The following PTPRD variants were observed in gnomAD, a reference collection of about 807,000 sequenced individuals.
PTPRD encodes the protein receptor-type tyrosine-protein phosphatase delta.
A neutral mutation model predicts 214.5 loss-of-function variants in PTPRD; 34 were observed. The ratio of observed to expected loss-of-function variants is 0.16; its 90% confidence interval spans 0.12 to 0.21. The LOEUF (loss-of-function observed/expected upper bound fraction) is 0.21. PTPRD is among the 10% of genes least tolerant of loss of function. The pLI is 1.00. For missense variants in PTPRD, 2,545 were observed against 2,398.7 expected, an observed-to-expected ratio of 1.06 and a Z score of -1.27; for synonymous variants, 1,128 against 845.7, an observed-to-expected ratio of 1.33 and a Z score of -5.79.
intron 3 of PTPRD, among the ~76,000 whole-genome samples, chr9:10,280,867 G>C (rs1190764384): frequency 1.3e-5 from 2 of 151,900 alleles, no homozygotes; most frequent in Non-Finnish European, 2.9e-5. Flanking sequence ...CTCTCTCCTA[G>C]GCCTCCCAAG....
intron 8 of PTPRD, among the ~76,000 whole-genome samples, chr9:9,523,434 G>C (rs1044530568): frequency 6.6e-6 from 1 of 152,030 alleles, no homozygotes. Flanking sequence ...AATTTGCTGA[G>C]GGCATTTTAG....
chr9:8,524,966 G>T lies in PTPRD; in HGVS notation c.638C>A (p.Ala213Glu), dbSNP rs764474694. The T allele has an allele frequency of 6.2e-7, 1 of 1,613,594 alleles. No individual in the cohort carries two copies. Among genetic ancestry groups the T allele is most frequent in the Admixed American group, 1.7e-5 (1 of 59,978 alleles). Residue 213 changes from alanine (A) to glutamate (E), a missense_variant, in exon 18 of 46, where the codon GCG becomes GAG. Ala to Glu is a moderately radical substitution (Grantham distance 107, BLOSUM62 -1). Coordinates refer to ENST00000381196, the MANE Select transcript of PTPRD (RefSeq NM_002839.4). ...GKYECVATNS[A>E]GTRYSAPANL... is the part of the protein sequence containing the mutation. ...GGCAGGAGCGGAATAGCGAGTGCCC[G>T]CGCTGTTGGTGGCAACACACTCATA...
At chr9:10,213,756 A>G (rs2099527817) in intron 3 of PTPRD, among the ~76,000 whole-genome samples, 2 of 152,158 alleles carry the variant, frequency 1.3e-5, no homozygotes, top group Non-Finnish European at 2.9e-5. Flanking sequence ...CAAAACAAAT[A>G]ACACTTTTGT....
intron 2 of PTPRD, among the ~76,000 whole-genome samples, chr9:10,375,926 G>C (rs1227477741): frequency 6.6e-6 from 1 of 151,906 alleles, no homozygotes; most frequent in Non-Finnish European, 1.5e-5. Context: ...TTTCAAATCT[G>C]TTGCATATTA....
chr9:8,458,108 G>A (rs974153615), intron 33 of PTPRD, among the ~76,000 whole-genome samples: 22 of 152,110 alleles, frequency 1.4e-4, no homozygotes, highest in African/African-American at 5.1e-4. Context: ...ATTCGAGGAT[G>A]TGTGCATTTC....
intron 36 of PTPRD, among the ~76,000 whole-genome samples, chr9:8,390,608 A>C (rs2089181211): frequency 6.6e-6 from 1 of 152,156 alleles, no homozygotes; most frequent in Non-Finnish European, 1.5e-5. Context: ...CCTAATGACA[A>C]AAGAGTAAAT....
At chr9:9,180,130 A>G (rs34983311) in intron 10 of PTPRD, among the ~76,000 whole-genome samples, 22,201 of 151,322 alleles carry the variant, frequency 0.15, 2,090 homozygotes, top group Admixed American at 0.25. Flanking sequence ...TCATGCTGCT[A>G]TGAAGACACA....
At chr9:9,335,310 G>C (rs2044004108) in intron 9 of PTPRD, among the ~76,000 whole-genome samples, 1 of 151,904 alleles carries the variant, frequency 6.6e-6, no homozygotes, top group South Asian at 2.1e-4. Flanking sequence ...AGACTCTTTT[G>C]GTGAAGGATA....
intron 4 of PTPRD, among the ~76,000 whole-genome samples, chr9:10,019,500 C>T (rs2096798849): frequency 1.3e-5 from 2 of 152,044 alleles, no homozygotes; most frequent in Admixed American, 1.3e-4. Flanking sequence ...TGGCACTATT[C>T]ACAATAGCAA....
chr9:9,879,631 A>G (rs1454059342), intron 5 of PTPRD, among the ~76,000 whole-genome samples: 1 of 152,198 alleles, frequency 6.6e-6, no homozygotes, highest in Non-Finnish European at 1.5e-5. Flanking sequence ...CAGACCAGGA[A>G]TATACTGACT....
In PTPRD at chr9:8,485,247, T is replaced by A. The variant is rs1427754573; in HGVS notation, c.3133A>T (p.Asn1045Tyr). Reference protein sequence around the residue: ...LLSWEIPENYNSAMPFKILYD... With the variant: ...LLSWEIPENYYSAMPFKILYD... ...CTTACTTTGAAAGGCATGGCGGAGTTATAATTCTCTGGAATCTCCCAAGAC... is the reference window on the plus strand; with the variant it reads ...CTTACTTTGAAAGGCATGGCGGAGTAATAATTCTCTGGAATCTCCCAAGAC... Residue 1045 changes from asparagine to tyrosine, a missense_variant, in exon 29 of 46, where the codon AAC (asparagine) becomes TAC (tyrosine). Asn to Tyr is a moderately radical substitution (Grantham distance 143, BLOSUM62 -2). Transcript: ENST00000381196. 1 of 1,614,044 alleles carries A rather than the reference T, an allele frequency of 6.2e-7. No individual in the cohort carries two copies.
intron 7 of PTPRD, among the ~76,000 whole-genome samples, chr9:9,649,738 A>G (rs747453907): frequency 6.6e-6 from 1 of 152,212 alleles, no homozygotes; most frequent in Non-Finnish European, 1.5e-5. Context: ...GTTAACATAC[A>G]ATTACAGATA....
intron 7 of PTPRD, among the ~76,000 whole-genome samples, chr9:9,728,502 A>G (rs768074091): frequency 6.6e-6 from 1 of 152,182 alleles, no homozygotes; most frequent in Non-Finnish European, 1.5e-5. Flanking sequence ...TTAAATTACT[A>G]TGGATCCTAA....
At chr9:10,265,087 C>T (rs897628771) in intron 3 of PTPRD, among the ~76,000 whole-genome samples, 1 of 152,092 alleles carries the variant, frequency 6.6e-6, no homozygotes, top group Non-Finnish European at 1.5e-5. Flanking sequence ...TTATAAATTA[C>T]TCAGTCTGGG....
intron 5 of PTPRD, among the ~76,000 whole-genome samples, chr9:9,773,501 T>C (rs550970159): frequency 6.6e-6 from 1 of 152,306 alleles, no homozygotes; most frequent in African/African-American, 2.4e-5. Context: ...TCTTCCTTAA[T>C]TCTCTAAGAG....
chr9:10,500,587 G>A (rs139867931), intron 2 of PTPRD, among the ~76,000 whole-genome samples: 2,111 of 151,688 alleles, frequency 0.014, 40 homozygotes, highest in African/African-American at 0.046. Flanking sequence ...TAAAATGTAC[G>A]ATTAAATTAT....
chr9:9,801,814 C>T (rs756858486), intron 5 of PTPRD, among the ~76,000 whole-genome samples: 4 of 151,940 alleles, frequency 2.6e-5, no homozygotes, highest in Admixed American at 6.6e-5. Flanking sequence ...TTCTTTTATC[C>T]GTTGTCTATA....
Position 8,455,380 on chromosome 9 carries a change from C to G in PTPRD, c.3875+5031G>C, listed in dbSNP as rs548905573. 8.5e-5 allele frequency among the ~76,000 whole-genome samples: 13 copies of G among 152,284 alleles called. No homozygotes were observed. The South Asian group carries it at 2.7e-3, about 32-fold the overall frequency. ...TAGTTCATGCTTATAGATCCTTTCA[C>G]CTGTGATAATATGTTGATTGTGTAA... is the stretch of plus-strand genomic sequence containing the variant. On this transcript the variant is annotated intron_variant, in intron 33 of 45. Transcript: ENST00000381196.
intron 12 of PTPRD, among the ~76,000 whole-genome samples, chr9:8,673,193 G>A (rs1328312381): frequency 6.6e-6 from 1 of 151,802 alleles, no homozygotes; most frequent in Non-Finnish European, 1.5e-5. Context: ...AAACACAGCG[G>A]CTGTCTCCAT....
Sources: allele counts gnomAD v4.1 joint callset (sites outside exome capture counted in the v4.1 genomes callset), GRCh38; gene constraint gnomAD v4.1.1; transcripts MANE v1.5; gene names NCBI Gene and HGNC (gene_info 2026-07-23, HGNC 2026-07-21).